Variants in HIVEP1 observed in about 807,000 individuals in gnomAD.
HIVEP1 encodes zinc finger protein 40.
In HIVEP1, 36 loss-of-function variants were observed where a neutral mutation model predicts 180.0. The observed-to-expected ratio is 0.20, with a 90% confidence interval of 0.15 to 0.26. HIVEP1 has a LOEUF of 0.26. Ranked by LOEUF, HIVEP1 falls within the 10% of genes least tolerant of loss-of-function variation. The pLI is 1.00. For synonymous variants in HIVEP1, 1,239 were observed against 1,239.0 expected, an observed-to-expected ratio of 1.00 and a Z score of 0.00; for missense variants, 3,143 against 3,268.7, an observed-to-expected ratio of 0.96 and a Z score of 0.94.
intron 6 of HIVEP1, among the ~76,000 whole-genome samples, chr6:12,132,574 G>A (rs1157916554): frequency 6.6e-6 from 1 of 152,160 alleles, no homozygotes; most frequent in Non-Finnish European, 1.5e-5. Flanking sequence ...TAATCTTAGT[G>A]AAATTAACTC....
At chr6:12,022,943 T>A (rs981913453) in intron 2 of HIVEP1, among the ~76,000 whole-genome samples, 1 of 152,228 alleles carries the variant, frequency 6.6e-6, no homozygotes, top group Non-Finnish European at 1.5e-5. Flanking sequence ...ATTTAAGCCT[T>A]GCCTCGTTTT....
At chr6:12,025,319 C>T (rs982753295) in intron 2 of HIVEP1, among the ~76,000 whole-genome samples, 26 of 151,186 alleles carry the variant, frequency 1.7e-4, no homozygotes, top group African/African-American at 6.1e-4. Flanking sequence ...TTTTTTTTTT[C>T]TTAAGCCTTT....
intron 2 of HIVEP1, among the ~76,000 whole-genome samples, chr6:12,022,596 G>A (rs1186160568): frequency 2.0e-5 from 3 of 152,222 alleles, no homozygotes; most frequent in Non-Finnish European, 4.4e-5. Context: ...TGGAGATGAT[G>A]TGTGAAGATG....
chr6:12,130,685 C>T (rs2113565261), intron 5 of HIVEP1, 82 bp from the exon 6 acceptor site: 1 of 731,334 alleles, frequency 1.4e-6, no homozygotes, highest in Non-Finnish European at 2.1e-6. Flanking sequence ...CTTGTTTTAT[C>T]TTTGGGTTGA....
rs900793518 is a variant in HIVEP1 at position 12,155,942 on chromosome 6, C to T, written c.6488-5497C>T. 3.9e-5 allele frequency among the ~76,000 whole-genome samples: 6 copies of T among 152,092 alleles called. No homozygotes were observed. The South Asian group carries it at 8.3e-4, about 21-fold the overall frequency. ...TATTTTTTAACTTTTTAATAATAGC[C>T]GTTCTGACTGGCCTGAGATGGTATC... On this transcript the variant is annotated intron_variant, in intron 7 of 8. Coordinates refer to ENST00000379388, the MANE Select transcript of HIVEP1 (RefSeq NM_002114.4).
At chr6:12,016,402 G>T (rs181183379) in intron 2 of HIVEP1, among the ~76,000 whole-genome samples, 1 of 152,244 alleles carries the variant, frequency 6.6e-6, no homozygotes, top group East Asian at 1.9e-4. Flanking sequence ...CTAAAAACAA[G>T]AACTATTAAA....
the HIVEP1 span, among the ~76,000 whole-genome samples, chr6:12,190,388 G>A: frequency 6.6e-6 from 1 of 152,110 alleles, no homozygotes; most frequent in African/African-American, 2.4e-5. Flanking sequence ...GCTCATTCCC[G>A]TTTCTTAAAT....
chr6:12,015,084 A>G (rs1171803019), intron 1 of HIVEP1, among the ~76,000 whole-genome samples: 1 of 152,238 alleles, frequency 6.6e-6, no homozygotes, highest in Non-Finnish European at 1.5e-5. Context: ...TGGTCCTACC[A>G]TGAACCTAGA....
intron 5 of HIVEP1, 58 bp from the exon 6 acceptor site, chr6:12,130,709 A>G (rs189748413): frequency 3.1e-5 from 29 of 943,578 alleles, no homozygotes; most frequent in Admixed American, 1.0e-4. Flanking sequence ...TTAATCATCA[A>G]TATTTTCTCA....
intron 3 of HIVEP1, among the ~76,000 whole-genome samples, chr6:12,105,624 T>A (rs755382144): frequency 1.2e-4 from 19 of 152,204 alleles, no homozygotes; most frequent in Non-Finnish European, 2.2e-4. Context: ...TCTTTATACA[T>A]TATCATATTA....
chr6:12,146,501 A>T (rs1759381680), intron 7 of HIVEP1, among the ~76,000 whole-genome samples: 1 of 152,218 alleles, frequency 6.6e-6, no homozygotes, highest in South Asian at 2.1e-4. Flanking sequence ...TTCCTTCACT[A>T]AAATCAAATG....
At position 12,125,622 on chromosome 6, in the gene HIVEP1, A is replaced by G. The variant is rs2113541461; in HGVS notation, c.5827A>G (p.Thr1943Ala). The change falls in exon 4 of 9, where the codon ACA (threonine) becomes GCA (alanine). Residue 1943 changes from threonine (T) to alanine (A), a missense_variant. This residue lies in a region of HIVEP1 where 1,357 missense variants were observed against 1,260.5 expected (regional missense o/e 1.08). Coordinates refer to ENST00000379388, the MANE Select transcript of HIVEP1 (RefSeq NM_002114.4). ...FPSLKTTTNFTWCYLLRQKSL... is the reference protein window; with the variant it reads ...FPSLKTTTNFAWCYLLRQKSL... ...TAGCCTGAAAACTACAACCAACTTT[A>G]CATGGTGTTATCTCTTAAGGCAGAA... 1 of 1,614,200 alleles carries G rather than the reference A, an allele frequency of 6.2e-7. No homozygotes were observed. Among genetic ancestry groups the G allele is most frequent in the Non-Finnish European group, 8.5e-7 (1 of 1,180,024 alleles).
Position 12,123,954 on chromosome 6 carries a change from T to A in HIVEP1, c.4159T>A (p.Ser1387Thr). 6.2e-7 allele frequency: 1 copy of A among 1,613,960 alleles called. No homozygotes were observed. Among genetic ancestry groups the A allele is most frequent in the Non-Finnish European group, 8.5e-7 (1 of 1,179,970 alleles). The change falls in exon 4 of 9, where the codon TCA (serine) becomes ACA (threonine). Residue 1387 changes from serine (S) to threonine (T), a missense_variant. By Grantham distance (58) the Ser-to-Thr change is moderately conservative (BLOSUM62 1). Coordinates refer to ENST00000379388, the MANE Select transcript of HIVEP1 (RefSeq NM_002114.4). ...GGAGGTCTCTGATCTCAGAAGCAAA[T>A]CATTCGATTGTGGAAGCATCACCCC... ...SMEVSDLRSK[S>T]FDCGSITPPQ...
At chr6:12,044,906 G>A (rs1163239084) in intron 2 of HIVEP1, among the ~76,000 whole-genome samples, 1 of 152,240 alleles carries the variant, frequency 6.6e-6, no homozygotes, top group Non-Finnish European at 1.5e-5. Flanking sequence ...AAGCTGACTG[G>A]ACCCACATCC....
the HIVEP1 span, among the ~76,000 whole-genome samples, chr6:12,187,300 G>T: frequency 6.6e-6 from 1 of 152,068 alleles, no homozygotes; most frequent in Non-Finnish European, 1.5e-5. Context: ...TACAGGTGGG[G>T]GTCTAATGGG....
At chr6:12,035,677 A>G (rs909036111) in intron 2 of HIVEP1, among the ~76,000 whole-genome samples, 23 of 152,204 alleles carry the variant, frequency 1.5e-4, no homozygotes, top group Non-Finnish European at 1.5e-5. Flanking sequence ...TTTAAATATG[A>G]TGTTGGGATT....
intron 2 of HIVEP1, among the ~76,000 whole-genome samples, chr6:12,052,717 G>C (rs1445836864): frequency 2.6e-5 from 4 of 152,170 alleles, no homozygotes; most frequent in African/African-American, 9.7e-5. Flanking sequence ...CCTCAGTTTT[G>C]TCTGAAAACA....
chr6:12,023,955 A>G (rs1215643754), intron 2 of HIVEP1, among the ~76,000 whole-genome samples: 1 of 152,232 alleles, frequency 6.6e-6, no homozygotes, highest in African/African-American at 2.4e-5. Context: ...AGTCTGGGCT[A>G]AAGTTGATTC....
At chr6:12,114,620 A>G (rs148545033) in intron 3 of HIVEP1, among the ~76,000 whole-genome samples, 2 of 152,282 alleles carry the variant, frequency 1.3e-5, no homozygotes, top group South Asian at 2.1e-4. Context: ...GGGAAAAAAA[A>G]AGAATGTGCA....
Sources: allele counts gnomAD v4.1 joint callset (sites outside exome capture counted in the v4.1 genomes callset), GRCh38; gene constraint gnomAD v4.1.1; regional missense constraint gnomAD v4.1.1; transcripts MANE v1.5; gene names NCBI Gene and HGNC (gene_info 2026-07-23, HGNC 2026-07-21).